Variants in RCSD1 observed in about 807,000 individuals in gnomAD.
RCSD1 encodes the protein capZ-interacting protein.
A neutral mutation model predicts 42.5 loss-of-function variants in RCSD1; 26 were observed. That is an observed-to-expected ratio of 0.61 (90% CI 0.45 to 0.85). The LOEUF (loss-of-function observed/expected upper bound fraction) is 0.85. RCSD1 is among the 40% of genes least tolerant of loss of function. The pLI, the probability that RCSD1 is intolerant of heterozygous loss-of-function variation, is 0.00. For missense variants in RCSD1, 571 were observed against 528.3 expected (o/e 1.08, Z -0.79); for synonymous variants, 220 against 212.2 (o/e 1.04, Z -0.32).
rs755206679 is a variant in RCSD1, at chr1:167,697,433, A to C, written c.809A>C (p.Glu270Ala). The change falls in exon 6 of 7, where the codon GAG becomes GCG. Residue 270 changes from glutamate (E) to alanine (A), a missense_variant. Physicochemically the swap from Glu to Ala is moderately radical, Grantham distance 107. Transcript: ENST00000367854. Reference sequence around the variant, plus strand: ...GAAAAGGCCAGGCGGAGTTCAGAGGAGGTGGACGGCCAGCACCCGGCCCAA... The same window carrying C: ...GAAAAGGCCAGGCGGAGTTCAGAGGCGGTGGACGGCCAGCACCCGGCCCAA... ...NGEKARRSSE[E>A]VDGQHPAQEE... is the part of the protein sequence containing the mutation. 10 of 1,612,546 alleles carry C rather than the reference A, an allele frequency of 6.2e-6. No individual in the cohort carries two copies. Among genetic ancestry groups the C allele is most frequent in the Non-Finnish European group, 8.5e-6 (10 of 1,179,382 alleles).
intron 1 of RCSD1, among the ~76,000 whole-genome samples, chr1:167,666,115 T>A (rs1558081724): frequency 6.6e-6 from 1 of 152,220 alleles, no homozygotes; most frequent in Non-Finnish European, 1.5e-5. Context: ...CCTAGCCAAA[T>A]GAGCACTTTT....
rs184317763 is a variant in RCSD1 at position 167,707,225 on chromosome 1, T to C, written c.*2529T>C. Among the ~76,000 whole-genome samples the C allele has an allele frequency of 1.4e-4, 22 of 152,356 alleles. No homozygotes were observed. Among genetic ancestry groups the C allele is most frequent in the African/African-American group, 5.3e-4 (22 of 41,592 alleles). On this transcript the variant is annotated 3_prime_UTR_variant, in exon 7 of 7. Coordinates refer to ENST00000367854, the MANE Select transcript of RCSD1 (RefSeq NM_052862.4). ...TCCAGGCCCCTCACGGAGATCACCC[T>C]GAACAATGCCCAGTTTTTCATGCAG...
chr1:167,687,453 G>T (rs908177637), intron 3 of RCSD1, among the ~76,000 whole-genome samples: 31 of 151,768 alleles, frequency 2.0e-4, no homozygotes, highest in African/African-American at 7.5e-4. Context: ...AACCCCGGAG[G>T]CGGAGCTTGC....
Position 167,690,077 on chromosome 1 carries a change from C to T in RCSD1, c.227C>T (p.Pro76Leu). 2 of 1,614,126 alleles carry T rather than the reference C, an allele frequency of 1.2e-6. No homozygotes were observed. Among genetic ancestry groups the T allele is most frequent in the Non-Finnish European group, 8.5e-7 (1 of 1,180,008 alleles). ...EKSPPNASHP[P>L]KFKVKSSPLI... ...TCACCACCCAATGCGAGCCACCCTC[C>T]TAAATTCAAGGTCAAGAGCTCGCCT... is the stretch of plus-strand genomic sequence containing the variant. Residue 76 changes from proline (P) to leucine (L), a missense_variant, in exon 4 of 7, where the codon CCT becomes CTT. By Grantham distance (98) the Pro-to-Leu change is moderately conservative. Transcript: ENST00000367854.
At chr1:167,642,638 C>T (rs1318398331) in intron 1 of RCSD1, among the ~76,000 whole-genome samples, 2 of 152,188 alleles carry the variant, frequency 1.3e-5, no homozygotes, top group Non-Finnish European at 2.9e-5. Flanking sequence ...CCAGGAGTTG[C>T]AACTTATAGC....
At position 167,644,488 on chromosome 1, in the gene RCSD1, A is replaced by AATAAATAAATAC. The variant is rs1295341494; in HGVS notation, c.6+14062_6+14063insAATAAATACATA. On this transcript the variant is annotated intron_variant, in intron 1 of 6. Coordinates refer to ENST00000367854, the MANE Select transcript of RCSD1 (RefSeq NM_052862.4). ...GAGTGAAACTCTGTCTCAAAAAATA[A>AATAAATAAATAC]ATACATACATACATACATACATACA... Among the ~76,000 whole-genome samples the AATAAATAAATAC allele has an allele frequency of 8.7e-4, 67 of 76,768 alleles. 2 individuals are homozygous for AATAAATAAATAC. The East Asian group carries it at 0.013, about 15-fold the overall frequency. 50.4% of individuals were successfully genotyped at this position (76,768 alleles called of 152,430 possible). A position where few individuals can be genotyped will look rare whatever the true frequency, so the allele number is the denominator to read the frequency against.
chr1:167,684,010 G>A lies in RCSD1; in HGVS notation c.108+9G>A, dbSNP rs772302152. On this transcript the variant is annotated intron_variant, in intron 2 of 6. Coordinates refer to ENST00000367854, the MANE Select transcript of RCSD1 (RefSeq NM_052862.4). ...CGGCTGCAGCCAAGGAGGTGAGTCA[G>A]GCCGCTTCAGAGCAGCCTCTTCAGC... 6.2e-7 allele frequency: 1 copy of A among 1,609,420 alleles called. No individual in the cohort carries two copies. Among genetic ancestry groups the A allele is most frequent in the Admixed American group, 1.7e-5 (1 of 60,004 alleles).
At chr1:167,664,541 A>G (rs1658607787) in intron 1 of RCSD1, 1 of 152,260 alleles carries the variant, frequency 6.6e-6, no homozygotes, top group African/African-American at 2.4e-5. Context: ...AAGTGTATAC[A>G]TTGATGAGTG....
intron 1 of RCSD1, among the ~76,000 whole-genome samples, chr1:167,662,456 G>A (rs183184548): frequency 5.9e-5 from 9 of 151,496 alleles, no homozygotes; most frequent in South Asian, 2.1e-4. Flanking sequence ...TCTTCTCCCC[G>A]TTCACAATTA....
Position 167,704,840 on chromosome 1 carries a change from G to A in RCSD1, c.*144G>A. ...GGAGTCAGCCTGAAGACACAGGGTG[G>A]ATTATTTCCTGGCCTCCACACCAAA... On this transcript the variant is annotated 3_prime_UTR_variant, in exon 7 of 7. Transcript: ENST00000367854. The A allele has an allele frequency of 5.3e-6, 4 of 754,040 alleles. 1 individual carries two copies. The South Asian group carries it at 6.5e-5, about 12-fold the overall frequency. The allele number at this position is 754,040 out of a possible 1,614,324, so 46.7% of individuals were successfully genotyped here. A position where few individuals can be genotyped will look rare whatever the true frequency, so the allele number is the denominator to read the frequency against.
intron 6 of RCSD1, among the ~76,000 whole-genome samples, chr1:167,701,333 T>C (rs1291094580): frequency 6.8e-6 from 1 of 146,388 alleles, no homozygotes; most frequent in South Asian, 2.2e-4. Context: ...TTAGATGGAG[T>C]GTTGCTCTGT....
At chr1:167,657,737 C>A (rs189711225) in intron 1 of RCSD1, among the ~76,000 whole-genome samples, 8 of 152,222 alleles carry the variant, frequency 5.3e-5, no homozygotes, top group Admixed American at 3.9e-4. Context: ...TCAAATCAGA[C>A]GTCCTGGAGA....
intron 1 of RCSD1, among the ~76,000 whole-genome samples, chr1:167,653,766 C>T (rs1023215665): frequency 1.3e-5 from 2 of 152,132 alleles, no homozygotes; most frequent in African/African-American, 2.4e-5. Flanking sequence ...TCCATGAAGG[C>T]TTCTTAAAGA....
chr1:167,638,951 C>T (rs1003804029), intron 1 of RCSD1, among the ~76,000 whole-genome samples: 4 of 152,172 alleles, frequency 2.6e-5, no homozygotes, highest in Non-Finnish European at 5.9e-5. Context: ...GGGGCGGTGG[C>T]TTATGCCTGT....
intron 1 of RCSD1, among the ~76,000 whole-genome samples, chr1:167,676,429 A>C (rs114242890): frequency 1.3e-5 from 2 of 152,256 alleles, no homozygotes. Flanking sequence ...ACAAACAAGG[A>C]AACTGAGACT....
Position 167,708,184 on chromosome 1 carries a change from C to T in RCSD1, c.*3488C>T, listed in dbSNP as rs1195040244. ...GCGTGCCCTCTCCTGGAGCTAGGAG[C>T]TAGGTGAGTCAATCCTGCACTTTCT... is the stretch of plus-strand genomic sequence containing the variant. On this transcript the variant is annotated 3_prime_UTR_variant, in exon 7 of 7. Coordinates refer to ENST00000367854, the MANE Select transcript of RCSD1 (RefSeq NM_052862.4). Among the ~76,000 whole-genome samples, 1 of 152,156 alleles carries T rather than the reference C, an allele frequency of 6.6e-6. No individual in the cohort carries two copies. The highest frequency in any genetic ancestry group is 1.5e-5 in the Non-Finnish European group (1 of 68,026).
intron 1 of RCSD1, among the ~76,000 whole-genome samples, chr1:167,678,474 C>T (rs1659002570): frequency 6.7e-6 from 1 of 149,368 alleles, no homozygotes; most frequent in Admixed American, 6.7e-5. Context: ...CAGGAGTCAT[C>T]CATGATTCTT....
At chr1:167,651,053 T>C (rs530654792) in intron 1 of RCSD1, among the ~76,000 whole-genome samples, 1 of 152,334 alleles carries the variant, frequency 6.6e-6, no homozygotes, top group East Asian at 1.9e-4. Context: ...TCTCTGTGCG[T>C]GTCTGTGTCC....
At chr1:167,630,751 A>AAAAAAAAAAAAAAAAAAC (rs1657677731) in intron 1 of RCSD1, 1 of 253,492 alleles carries the variant, frequency 3.9e-6, no homozygotes, top group Non-Finnish European at 7.3e-6. Context: ...AAAAAAAAAA[A>AAAAAAAAAAAAAAAAAAC]AAGTTAGGTG....
Sources: allele counts gnomAD v4.1 joint callset (sites outside exome capture counted in the v4.1 genomes callset), GRCh38; gene constraint gnomAD v4.1.1; transcripts MANE v1.5; gene names NCBI Gene and HGNC (gene_info 2026-07-23, HGNC 2026-07-21).